The following SYNC variants were observed in gnomAD, a reference collection of about 807,000 sequenced individuals.
SYNC encodes the protein syncoilin, intermediate filament protein.
In SYNC, 38 loss-of-function variants were observed where a neutral mutation model predicts 49.5. The observed-to-expected ratio is 0.77, with a 90% confidence interval of 0.59 to 1.01. The LOEUF (loss-of-function observed/expected upper bound fraction) is 1.01, where lower values mean the gene tolerates loss of function less well. Ranked by LOEUF, SYNC falls within the 50% of genes least tolerant of loss-of-function variation. SYNC has a pLI of 0.00. For missense variants in SYNC, 579 were observed against 580.6 expected, an observed-to-expected ratio of 1.00 and a Z score of 0.03; for synonymous variants, 201 against 230.8, an observed-to-expected ratio of 0.87 and a Z score of 1.17.
chr1:32,681,885 A>G (rs778806945), intron 4 of SYNC, 25 bp from the exon 5 acceptor site: 20 of 1,605,434 alleles, frequency 1.2e-5, no homozygotes, highest in East Asian at 1.1e-4. Flanking sequence ...GAAAAAGTTT[A>G]TAACAGTGAA....
Position 32,695,800 on chromosome 1 carries a change from G to C in SYNC, c.298C>G (p.Pro100Ala). ...CACACTGTCTCCTCTGGATTCCCAG[G>C]CTCCTCCACATGCAGAGCCTCATCT... is the stretch of plus-strand genomic sequence containing the variant. ...QPDEALHVEEPGNPEETVCVE... is the reference protein window; with the variant it reads ...QPDEALHVEEAGNPEETVCVE... The change falls in exon 2 of 5, where the codon CCT (proline) becomes GCT (alanine). Residue 100 changes from proline to alanine, a missense_variant. Pro to Ala is a conservative substitution (Grantham distance 27, BLOSUM62 -1). Coordinates refer to ENST00000409190, the MANE Select transcript of SYNC (RefSeq NM_030786.3). 5 of 1,551,616 alleles carry C rather than the reference G, an allele frequency of 3.2e-6. No individual in the cohort carries two copies. The highest frequency in any genetic ancestry group is 4.4e-6 in the Non-Finnish European group (5 of 1,147,004).
At chr1:32,687,834 A>ATTG (rs1649943031) in intron 2 of SYNC, among the ~76,000 whole-genome samples, 1 of 4,762 alleles carries the variant, frequency 2.1e-4, no homozygotes, top group Non-Finnish European at 1.5e-3. Flanking sequence ...TGCCCAGTGA[A>ATTG]TTATTATTAT....
intron 2 of SYNC, among the ~76,000 whole-genome samples, chr1:32,687,685 A>G (rs1649928600): frequency 6.6e-6 from 1 of 151,392 alleles, no homozygotes; most frequent in Non-Finnish European, 1.5e-5. Context: ...AAAAAAAGAA[A>G]AAAATGTTTA....
At chr1:32,699,171 T>TTTTG (rs1650571279) in intron 1 of SYNC, among the ~76,000 whole-genome samples, 1 of 146,588 alleles carries the variant, frequency 6.8e-6, no homozygotes, top group Non-Finnish European at 1.5e-5. Flanking sequence ...TTTTTTTTTT[T>TTTTG]GAGATGGAGC....
At chr1:32,686,027 C>T (rs1017946285) in intron 2 of SYNC, 2 of 152,070 alleles carry the variant, frequency 1.3e-5, no homozygotes, top group Non-Finnish European at 2.9e-5. Context: ...CTACTAGTAC[C>T]GAAGTCACTA....
chr1:32,685,471 A>G (rs369116041), intron 2 of SYNC: 2 of 152,226 alleles, frequency 1.3e-5, no homozygotes, highest in Non-Finnish European at 2.9e-5. Flanking sequence ...ATTTTGAAGA[A>G]TACTAAGGAA....
At chr1:32,689,549 A>G (rs1570909044) in intron 2 of SYNC, among the ~76,000 whole-genome samples, 1 of 152,054 alleles carries the variant, frequency 6.6e-6, no homozygotes, top group Non-Finnish European at 1.5e-5. Flanking sequence ...CCTGGCCCAC[A>G]GTAATTAGGC....
intron 1 of SYNC, among the ~76,000 whole-genome samples, chr1:32,697,744 C>A (rs1047061369): frequency 1.9e-4 from 28 of 150,298 alleles, no homozygotes; most frequent in Middle Eastern, 3.5e-3. Context: ...AAAAAAAAAA[C>A]AAAAAAAACC....
chr1:32,701,148 C>G (rs867763423), intron 1 of SYNC, among the ~76,000 whole-genome samples: 2 of 152,168 alleles, frequency 1.3e-5, no homozygotes, highest in Non-Finnish European at 2.9e-5. Flanking sequence ...CTCCTGACCT[C>G]AGGTGATCCG....
chr1:32,680,027 A>T lies in SYNC; in HGVS notation c.*1823T>A, dbSNP rs1649323401. 3 of 1,122,736 alleles carry T rather than the reference A, an allele frequency of 2.7e-6. No homozygotes were observed. Among genetic ancestry groups the T allele is most frequent in the Non-Finnish European group, 3.3e-6 (3 of 918,282 alleles). 69.5% of individuals were successfully genotyped at this position (1,122,736 alleles called of 1,614,324 possible). Reference sequence around the variant, plus strand: ...TCCCCAAGTTTTTCAGACTCATTTAAGTAAAGGCTAGAGTGAGTAAGGAAT... The same window carrying T: ...TCCCCAAGTTTTTCAGACTCATTTATGTAAAGGCTAGAGTGAGTAAGGAAT... On this transcript the variant is annotated 3_prime_UTR_variant, in exon 5 of 5. Transcript: ENST00000409190.
intron 2 of SYNC, among the ~76,000 whole-genome samples, chr1:32,693,365 G>A (rs920576905): frequency 2.6e-5 from 4 of 152,170 alleles, no homozygotes; most frequent in African/African-American, 4.8e-5. Context: ...GATTACAGGC[G>A]TGAGCCACCG....
At chr1:32,696,667 C>G (rs1401039062) in intron 1 of SYNC, among the ~76,000 whole-genome samples, 1 of 152,192 alleles carries the variant, frequency 6.6e-6, no homozygotes, top group East Asian at 1.9e-4. Flanking sequence ...TCAGGCTGTT[C>G]TCAAACTCCT....
Position 32,695,983 on chromosome 1 carries a change from C to T in SYNC, c.115G>A (p.Glu39Lys). The part of the protein sequence containing the change: ...PKNSGSLNEA[E>K]ALNPEVTLSS... ...AGAGTAACTTCTGGGTTCAAGGCTTCTGCCTCATTTAGGGATCCAGAGTTC... is the reference window on the plus strand; with the variant it reads ...AGAGTAACTTCTGGGTTCAAGGCTTTTGCCTCATTTAGGGATCCAGAGTTC... Residue 39 changes from glutamate to lysine, a missense_variant, in exon 2 of 5, where the codon GAA becomes AAA. Coordinates refer to ENST00000409190, the MANE Select transcript of SYNC (RefSeq NM_030786.3). The T allele has an allele frequency of 6.5e-7, 1 of 1,542,672 alleles. No homozygotes were observed. The highest frequency in any genetic ancestry group is 1.4e-5 in the African/African-American group (1 of 73,164).
At chr1:32,683,880 T>G in intron 4 of SYNC, 130 bp downstream of exon 4, 1 of 829,022 alleles carries the variant, frequency 1.2e-6, no homozygotes, top group Non-Finnish European at 1.9e-6. Context: ...TGATCCACCC[T>G]CCTCAGCCTC....
chr1:32,695,006 G>A lies in SYNC; in HGVS notation c.1092C>T (p.Thr364=), dbSNP rs1451425782. ...CCTTCATTTCCTGGATCTCAGCCTGGGTTCTCTGCAGAGCTTTGGTCCCAG... is the reference window on the plus strand; with the variant it reads ...CCTTCATTTCCTGGATCTCAGCCTGAGTTCTCTGCAGAGCTTTGGTCCCAG... ...KEAGTKALQR[T]QAEIQEMKEA... The change falls in exon 2 of 5, where the codon ACC becomes ACT. Residue 364 remains threonine (T), a synonymous_variant. Transcript: ENST00000409190. 1 of 1,614,028 alleles carries A rather than the reference G, an allele frequency of 6.2e-7. No homozygotes were observed. Among genetic ancestry groups the A allele is most frequent in the African/African-American group, 1.3e-5 (1 of 75,004 alleles).
chr1:32,682,087 T>G (rs528461204), intron 4 of SYNC: 11 of 520,686 alleles, frequency 2.1e-5, no homozygotes, highest in African/African-American at 1.9e-4. Context: ...CAGGTATAAT[T>G]ACAATGCCTG....
In SYNC at chr1:32,684,059, C is replaced by T; in HGVS notation, c.1389G>A (p.Gln463=). 5 of 1,614,192 alleles carry T rather than the reference C, an allele frequency of 3.1e-6. No homozygotes were observed. Among genetic ancestry groups the T allele is most frequent in the Non-Finnish European group, 4.2e-6 (5 of 1,180,024 alleles). Residue 463 remains glutamine (Q), a synonymous_variant, in exon 4 of 5, where the codon CAG becomes CAA. Transcript: ENST00000409190. ...CTGCCTGAGAAGTGGGAGCATCAGC[C>T]TGTTCCAGGCTCTTGGGTAGTAGCA... is the stretch of plus-strand genomic sequence containing the variant. ...KAMLLPKSLE[Q]ADAPTSQAGG... is the part of the protein sequence containing the mutation.
chr1:32,687,361 C>CAAA lies in SYNC; in HGVS notation c.1234-2982_1234-2980dup, dbSNP rs11383471. ...GGGGGACAAGAGCGAGACTTCATCT[C>CAAA]AAAAAAAAAAAAAAACCATAAAAGT... On this transcript the variant is annotated intron_variant, in intron 2 of 4. Transcript: ENST00000409190. Among the ~76,000 whole-genome samples, 125 of 123,516 alleles carry CAAA rather than the reference C, an allele frequency of 1.0e-3. 2 individuals carry two copies. Among genetic ancestry groups the CAAA allele is most frequent in the African/African-American group, 2.8e-3 (88 of 31,974 alleles). The allele number at this position is 123,516 out of a possible 152,430, so 81.0% of individuals were successfully genotyped here.
chr1:32,699,870 C>T (rs575802905), intron 1 of SYNC, among the ~76,000 whole-genome samples: 19 of 151,850 alleles, frequency 1.3e-4, no homozygotes, highest in Non-Finnish European at 1.0e-4. Flanking sequence ...GTAGCTGAGA[C>T]TACAGGCGCC....
Sources: gnomAD v4.1 joint callset for allele counts (sites outside exome capture counted in the v4.1 genomes callset) on GRCh38, gnomAD v4.1.1 for gene constraint, MANE v1.5 for transcripts, NCBI Gene and HGNC (gene_info 2026-07-23, HGNC 2026-07-21) for gene names.